The following DLG2 variants were observed in gnomAD, a reference collection of about 807,000 sequenced individuals.
The protein encoded by DLG2 is discs large MAGUK scaffold protein 2.
In DLG2, 45 loss-of-function variants were observed where a neutral mutation model predicts 132.5. The ratio of observed to expected loss-of-function variants is 0.34; its 90% confidence interval spans 0.27 to 0.44. DLG2 has a LOEUF of 0.44. Among genes scored for constraint, DLG2 ranks in the 20% least tolerant of loss-of-function variants. The probability of loss-of-function intolerance (pLI) is 1.00; values close to 1 mark genes in which losing one functional copy is unlikely to be tolerated. For missense variants in DLG2, 1,045 were observed against 1,196.9 expected (o/e 0.87, Z 1.87); for synonymous variants, 424 against 419.6 (o/e 1.01, Z -0.13).
chr11:85,609,848 G>C (rs542616694), intron 2 of DLG2, among the ~76,000 whole-genome samples: 1 of 152,278 alleles, frequency 6.6e-6, no homozygotes, highest in East Asian at 1.9e-4. Context: ...GTTACCATCC[G>C]GGGAATCCTG....
chr11:85,394,539 C>T (rs1007482388), intron 3 of DLG2, among the ~76,000 whole-genome samples: 5 of 152,202 alleles, frequency 3.3e-5, no homozygotes. Context: ...AATGTGTAAA[C>T]ATCTCTGATT....
At chr11:84,954,791 T>C (rs2051421876) in intron 6 of DLG2, among the ~76,000 whole-genome samples, 2 of 152,204 alleles carry the variant, frequency 1.3e-5, no homozygotes, top group African/African-American at 4.8e-5. Context: ...CTAATAAATC[T>C]TCACTTCGAC....
At chr11:85,511,466 C>G (rs901982818) in intron 3 of DLG2, among the ~76,000 whole-genome samples, 1 of 152,038 alleles carries the variant, frequency 6.6e-6, no homozygotes, top group Non-Finnish European at 1.5e-5. Context: ...TCAATGGCAT[C>G]TCTCTTAGAA....
At chr11:84,403,260 T>A in intron 7 of DLG2, among the ~76,000 whole-genome samples, 1 of 152,144 alleles carries the variant, frequency 6.6e-6, no homozygotes, top group Non-Finnish European at 1.5e-5. Context: ...AGGCAAGATA[T>A]CATGTGGTTA....
intron 6 of DLG2, among the ~76,000 whole-genome samples, chr11:84,554,357 T>C (rs1440540379): frequency 2.6e-5 from 4 of 152,090 alleles, no homozygotes; most frequent in Non-Finnish European, 5.9e-5. Flanking sequence ...TTAGGTGCAC[T>C]AGCTGCAGGG....
At chr11:85,181,734 T>G (rs1329109640) in intron 4 of DLG2, among the ~76,000 whole-genome samples, 2 of 151,768 alleles carry the variant, frequency 1.3e-5, no homozygotes, top group African/African-American at 4.8e-5. Context: ...AAAGGAGAAT[T>G]TTGTTGTGGT....
At position 83,668,868 on chromosome 11, in the gene DLG2, T is replaced by TATATA. The variant is rs150778195; in HGVS notation, c.1826-35544_1826-35543insTATAT. ...ACACACACATATATATATATATATA[T>TATATA]TTTTTTTTTATGATAGACTATGAGC... On this transcript the variant is annotated intron_variant, in intron 18 of 27. Coordinates refer to ENST00000376104, the MANE Select transcript of DLG2 (RefSeq NM_001142699.3). Among the ~76,000 whole-genome samples the TATATA allele has an allele frequency of 2.0e-3, 123 of 61,948 alleles. 7 individuals are homozygous for TATATA. The highest frequency in any genetic ancestry group is 0.011 in the African/African-American group (115 of 10,604). 40.6% of individuals were successfully genotyped at this position (61,948 alleles called of 152,430 possible).
chr11:85,507,248 T>A (rs2093956853), intron 3 of DLG2, among the ~76,000 whole-genome samples: 2 of 152,342 alleles, frequency 1.3e-5, no homozygotes, highest in South Asian at 2.1e-4. Context: ...TTTGATCCTG[T>A]CATTATGATG....
chr11:84,699,506 C>T (rs1472548709), intron 6 of DLG2, among the ~76,000 whole-genome samples: 1 of 151,396 alleles, frequency 6.6e-6, no homozygotes, highest in Admixed American at 6.6e-5. Flanking sequence ...AGTGACTAAT[C>T]CTAGACTAAC....
intron 6 of DLG2, among the ~76,000 whole-genome samples, chr11:85,055,018 G>T (rs2063307306): frequency 6.6e-6 from 1 of 151,908 alleles, no homozygotes; most frequent in Non-Finnish European, 1.5e-5. Flanking sequence ...TAAAATAAAA[G>T]ATTAAAAATA....
In DLG2 at chr11:85,581,873, G is replaced by A. The variant is rs1198136291; in HGVS notation, c.40+16784C>T. Among the ~76,000 whole-genome samples the A allele has an allele frequency of 3.3e-5, 5 of 152,284 alleles. No homozygotes were observed. The South Asian group carries it at 1.0e-3, about 32-fold the overall frequency. On this transcript the variant is annotated intron_variant, in intron 3 of 27. Transcript: ENST00000376104. ...CTCAATAAAATAAGAAGAAAGGTCA[G>A]CAGCTAATGTTGAAGAAGGTGAGGT...
chr11:85,085,098 A>G (rs2067746142), intron 6 of DLG2, among the ~76,000 whole-genome samples: 1 of 152,134 alleles, frequency 6.6e-6, no homozygotes, highest in South Asian at 2.1e-4. Flanking sequence ...ATGCTTATAC[A>G]CAATTTCTTA....
intron 18 of DLG2, among the ~76,000 whole-genome samples, chr11:83,741,886 G>A (rs906011566): frequency 6.6e-5 from 10 of 151,850 alleles, no homozygotes. Context: ...GTGGTGGTGG[G>A]TGCCTGTAGT....
intron 10 of DLG2, among the ~76,000 whole-genome samples, chr11:84,065,265 C>G (rs956742857): frequency 6.6e-6 from 1 of 152,056 alleles, no homozygotes; most frequent in Non-Finnish European, 1.5e-5. Flanking sequence ...AAGAAACTAC[C>G]AACAGAGTAA....
At chr11:84,992,236 G>A (rs1310368454) in intron 6 of DLG2, among the ~76,000 whole-genome samples, 5 of 152,130 alleles carry the variant, frequency 3.3e-5, no homozygotes, top group African/African-American at 1.2e-4. Context: ...AGAATTGTAT[G>A]CCTTCCTCCA....
chr11:84,461,492 C>T (rs927404742), intron 7 of DLG2, among the ~76,000 whole-genome samples: 8 of 150,568 alleles, frequency 5.3e-5, no homozygotes, highest in African/African-American at 1.5e-4. Context: ...TTATGCTTTC[C>T]GATAATTTTA....
At chr11:83,657,995 T>C (rs1248686996) in intron 18 of DLG2, among the ~76,000 whole-genome samples, 1 of 152,138 alleles carries the variant, frequency 6.6e-6, no homozygotes, top group Non-Finnish European at 1.5e-5. Context: ...GGCTCTGCTG[T>C]GTGACCTCTG....
intron 11 of DLG2, among the ~76,000 whole-genome samples, chr11:84,053,747 C>T (rs2096446643): frequency 6.6e-6 from 1 of 151,928 alleles, no homozygotes; most frequent in Non-Finnish European, 1.5e-5. Flanking sequence ...GGAACTTCTT[C>T]ATTACATATG....
intron 6 of DLG2, among the ~76,000 whole-genome samples, chr11:84,542,040 T>C (rs2099374099): frequency 6.6e-6 from 1 of 152,104 alleles, no homozygotes; most frequent in Non-Finnish European, 1.5e-5. Context: ...TATTTCAAGG[T>C]TTCATAAACA....
Sources: allele counts gnomAD v4.1 joint callset (sites outside exome capture counted in the v4.1 genomes callset), GRCh38; gene constraint gnomAD v4.1.1; transcripts MANE v1.5; gene names NCBI Gene and HGNC (gene_info 2026-07-23, HGNC 2026-07-21).